The following ABCD3 variants were observed in gnomAD, a reference collection of about 807,000 sequenced individuals.
ABCD3 encodes the protein ATP-binding cassette sub-family D member 3.
In ABCD3, 41 loss-of-function variants were observed where a neutral mutation model predicts 105.5. The observed-to-expected ratio is 0.39, with a 90% CI of 0.30 to 0.50. The LOEUF (loss-of-function observed/expected upper bound fraction) is 0.50, where lower values mean the gene tolerates loss of function less well. Ranked by LOEUF, ABCD3 falls within the 20% of genes least tolerant of loss-of-function variation. The pLI is 0.84. For missense variants in ABCD3, 622 were observed against 806.3 expected, an observed-to-expected ratio of 0.77 and a Z score of 2.77; for synonymous variants, 258 against 269.0, an observed-to-expected ratio of 0.96 and a Z score of 0.40.
intron 21 of ABCD3, among the ~76,000 whole-genome samples, chr1:94,512,069 T>TGCTTTTTAGAGTTTCCA (rs1650699733): frequency 6.6e-6 from 1 of 152,122 alleles, no homozygotes; most frequent in Non-Finnish European, 1.5e-5. Flanking sequence ...AGAGGCGCTC[T>TGCTTTTTAGAGTTTCCA]GCTTTTTAGA....
Position 94,449,881 on chromosome 1 carries a change from A to G in ABCD3, c.111-8726A>G, listed in dbSNP as rs549961468. ...AACATGGCGGTATGGTGGCACCTCA[A>G]CCTCAAATGATATGGCCCGCTGTGG... On this transcript the variant is annotated intron_variant, in intron 1 of 22. Coordinates refer to ENST00000370214, the MANE Select transcript of ABCD3 (RefSeq NM_002858.4). Among the ~76,000 whole-genome samples, 4 of 152,338 alleles carry G rather than the reference A, an allele frequency of 2.6e-5. No homozygotes were observed. In the East Asian group the frequency reaches 7.7e-4, roughly 29 times the overall value.
intron 2 of ABCD3, among the ~76,000 whole-genome samples, chr1:94,463,160 G>C (rs1647959110): frequency 6.6e-6 from 1 of 152,172 alleles, no homozygotes; most frequent in Non-Finnish European, 1.5e-5. Context: ...AACTCAGTAG[G>C]ATGAGGTTTG....
At chr1:94,475,592 A>C (rs752358769) in intron 6 of ABCD3, 22 bp from the exon 7 acceptor site, 6 of 1,604,620 alleles carry the variant, frequency 3.7e-6, no homozygotes, top group Non-Finnish European at 5.1e-6. Flanking sequence ...TTTTAAAATC[A>C]CTTTTCTTCT....
At position 94,516,978 on chromosome 1, in the gene ABCD3, A is replaced by G. The variant is rs537801705; in HGVS notation, c.1903-74A>G. The G allele has an allele frequency of 8.7e-6, 9 of 1,028,916 alleles. No homozygotes were observed. In the East Asian group the frequency reaches 1.9e-4, roughly 22 times the overall value. The allele number at this position is 1,028,916 out of a possible 1,614,324, so 63.7% of individuals were successfully genotyped here. ...CCCTTAAAATAATGAGGAAGTCTGTATTTTACTTTTCATAAAAGACAGTAC... is the reference window on the plus strand; with the variant it reads ...CCCTTAAAATAATGAGGAAGTCTGTGTTTTACTTTTCATAAAAGACAGTAC... On this transcript the variant is annotated intron_variant, in intron 22 of 22. Coordinates refer to ENST00000370214, the MANE Select transcript of ABCD3 (RefSeq NM_002858.4).
chr1:94,489,106 C>A (rs1236696842), intron 13 of ABCD3, among the ~76,000 whole-genome samples: 1 of 152,022 alleles, frequency 6.6e-6, no homozygotes, highest in Non-Finnish European at 1.5e-5. Flanking sequence ...TTCTTCGATG[C>A]AGAATACTTT....
chr1:94,415,669 CA>C (rs1658986503), upstream of ABCD3, among the ~76,000 whole-genome samples: 8 of 1,194 alleles, frequency 6.7e-3, no homozygotes, highest in Non-Finnish European at 0.11. Flanking sequence ...GATTTTCAGA[CA>C]CAATATTCTA....
intron 20 of ABCD3, among the ~76,000 whole-genome samples, chr1:94,499,925 G>T (rs991599794): frequency 2.6e-5 from 4 of 152,042 alleles, no homozygotes; most frequent in Admixed American, 2.0e-4. Context: ...GGTAATCCTG[G>T]CTGGGTTATG....
chr1:94,484,449 A>T (rs1157910913), intron 10 of ABCD3, among the ~76,000 whole-genome samples: 2 of 152,242 alleles, frequency 1.3e-5, no homozygotes, highest in Non-Finnish European at 2.9e-5. Context: ...ATGGAATACT[A>T]TGCAGCCATA....
At chr1:94,430,273 C>CTT (rs57088127) in intron 1 of ABCD3, among the ~76,000 whole-genome samples, 56,969 of 151,858 alleles carry the variant, frequency 0.38, 11,843 homozygotes, top group Middle Eastern at 0.55. Flanking sequence ...TCAGATGAGA[C>CTT]TGGACTGTGG....
At chr1:94,473,184 C>T (rs1557677634) in intron 4 of ABCD3, among the ~76,000 whole-genome samples, 1 of 152,114 alleles carries the variant, frequency 6.6e-6, no homozygotes, top group Non-Finnish European at 1.5e-5. Context: ...TCACTACCTG[C>T]CATCTGTTTT....
chr1:94,448,250 A>G (rs1660433026), intron 1 of ABCD3, among the ~76,000 whole-genome samples: 1 of 152,224 alleles, frequency 6.6e-6, no homozygotes, highest in African/African-American at 2.4e-5. Flanking sequence ...TGATCCTGGA[A>G]AAATTGTTGT....
chr1:94,401,290 G>A, the ABCD3 span, among the ~76,000 whole-genome samples: 44 of 152,342 alleles, frequency 2.9e-4, no homozygotes, highest in African/African-American at 8.2e-4. Flanking sequence ...ATGTATAGTC[G>A]TAGGCCTGGT....
chr1:94,474,992 C>T, intron 5 of ABCD3, 151 bp from the exon 6 acceptor site: 1 of 584,580 alleles, frequency 1.7e-6, no homozygotes, highest in South Asian at 2.2e-5. Context: ...TAGCTAAATG[C>T]AGTAAAGTAA....
the ABCD3 span, among the ~76,000 whole-genome samples, chr1:94,407,632 C>T: frequency 2.0e-5 from 3 of 152,136 alleles, no homozygotes; most frequent in Non-Finnish European, 4.4e-5. Flanking sequence ...TATTATCCAG[C>T]TCATCAGGAG....
At chr1:94,467,822 G>A (rs1193555514) in intron 3 of ABCD3, 97 bp from the exon 4 acceptor site, 2 of 783,920 alleles carry the variant, frequency 2.6e-6, no homozygotes, top group African/African-American at 1.7e-5. Flanking sequence ...CTTACATAAA[G>A]CTTTAGATTT....
At chr1:94,513,046 G>A (rs1207808053) in intron 21 of ABCD3, among the ~76,000 whole-genome samples, 1 of 152,044 alleles carries the variant, frequency 6.6e-6, no homozygotes, top group African/African-American at 2.4e-5. Flanking sequence ...AAAATTCTAA[G>A]ATGATTCAAA....
At chr1:94,497,804 T>G (rs1649893903) in intron 16 of ABCD3, among the ~76,000 whole-genome samples, 1 of 151,494 alleles carries the variant, frequency 6.6e-6, no homozygotes, top group Admixed American at 6.6e-5. Context: ...CAAAGGGGAG[T>G]GTTTAAATAA....
At chr1:94,448,107 T>C (rs1403412806) in intron 1 of ABCD3, among the ~76,000 whole-genome samples, 1 of 152,198 alleles carries the variant, frequency 6.6e-6, no homozygotes, top group Admixed American at 6.5e-5. Context: ...ACTGGTGTTA[T>C]TGTCCACAAG....
At chr1:94,419,410 C>T in intron 1 of ABCD3, 2 of 952,630 alleles carry the variant, frequency 2.1e-6, no homozygotes, top group Non-Finnish European at 2.5e-6. Context: ...GGGAGGTTAT[C>T]AGTTCAGAAA....
Sources: gnomAD v4.1 joint callset for allele counts (sites outside exome capture counted in the v4.1 genomes callset) on GRCh38, gnomAD v4.1.1 for gene constraint, MANE v1.5 for transcripts, NCBI Gene and HGNC (gene_info 2026-07-23, HGNC 2026-07-21) for gene names.